CDH13: variants seen among roughly 807,000 people sequenced by gnomAD.
CDH13 encodes the protein cadherin-13.
Under a neutral mutation model 63.8 loss-of-function variants are expected in CDH13, and 24 were observed. The observed-to-expected ratio is 0.38, with a 90% CI of 0.27 to 0.53. The LOEUF is 0.53. Among genes scored for constraint, CDH13 ranks in the 20% least tolerant of loss-of-function variants. The probability of loss-of-function intolerance (pLI) is 0.85; values close to 1 mark genes in which losing one functional copy is unlikely to be tolerated. For synonymous variants in CDH13, 503 were observed against 355.3 expected, an observed-to-expected ratio of 1.42 and a Z score of -4.67; for missense variants, 1,049 against 903.1, an observed-to-expected ratio of 1.16 and a Z score of -2.07.
At chr16:82,673,862 C>G (rs74028542) in intron 1 of CDH13, among the ~76,000 whole-genome samples, 3,685 of 152,282 alleles carry the variant, frequency 0.024, 98 homozygotes, top group African/African-American at 0.075. Flanking sequence ...GCAGCAACTC[C>G]AGGTCCTCAA....
intron 1 of CDH13, among the ~76,000 whole-genome samples, chr16:82,681,843 C>T (rs148334208): frequency 6.6e-6 from 1 of 152,376 alleles, no homozygotes; most frequent in African/African-American, 2.4e-5. Context: ...AACTTCCCTG[C>T]ACTCCAGGTG....
intron 1 of CDH13, among the ~76,000 whole-genome samples, chr16:82,696,697 G>T (rs1452306434): frequency 6.6e-6 from 1 of 152,216 alleles, no homozygotes; most frequent in Non-Finnish European, 1.5e-5. Flanking sequence ...GGTGGTTTCA[G>T]TGGGATGCTA....
At position 83,123,570 on chromosome 16, in the gene CDH13, C is replaced by A. The variant is rs1324775016; in HGVS notation, c.367-1815C>A. On this transcript the variant is annotated intron_variant, in intron 3 of 13. Transcript: ENST00000567109. ...CTGGGATTACAGGCGTGAGCCACTG[C>A]ATCTGGCCCCACATTTTTTTTTATC... 3.3e-5 allele frequency among the ~76,000 whole-genome samples: 5 copies of A among 152,306 alleles called. No homozygotes were observed. In the East Asian group the frequency reaches 9.7e-4, roughly 29 times the overall value.
At chr16:83,497,598 A>G (rs1387785410) in intron 7 of CDH13, among the ~76,000 whole-genome samples, 1 of 152,110 alleles carries the variant, frequency 6.6e-6, no homozygotes, top group African/African-American at 2.4e-5. Flanking sequence ...CCAGCATGGC[A>G]CATGTATACA....
chr16:83,144,073 C>T (rs2036646008), intron 4 of CDH13, among the ~76,000 whole-genome samples: 2 of 152,088 alleles, frequency 1.3e-5, no homozygotes, highest in South Asian at 2.1e-4. Flanking sequence ...TCACATTCCA[C>T]GTTTGGGGAA....
At chr16:82,935,255 A>G (rs1487507409) in intron 2 of CDH13, among the ~76,000 whole-genome samples, 1 of 152,176 alleles carries the variant, frequency 6.6e-6, no homozygotes, top group Non-Finnish European at 1.5e-5. Context: ...TTATAAAGCC[A>G]TTAGATCCCA....
chr16:83,176,202 C>G (rs779934266), intron 4 of CDH13, among the ~76,000 whole-genome samples: 4 of 149,654 alleles, frequency 2.7e-5, no homozygotes, highest in African/African-American at 7.3e-5. Flanking sequence ...GCCAAAATGA[C>G]TTGTAAAACG....
intron 4 of CDH13, among the ~76,000 whole-genome samples, chr16:83,146,356 G>C (rs2036751704): frequency 6.6e-6 from 1 of 152,206 alleles, no homozygotes; most frequent in South Asian, 2.1e-4. Context: ...TGCCATGTAG[G>C]GGTTTGTCTG....
In CDH13 at chr16:82,981,857, A is replaced by C. The variant is rs76048434; in HGVS notation, c.158-50153A>C. Among the ~76,000 whole-genome samples, 9 of 152,256 alleles carry C rather than the reference A, an allele frequency of 5.9e-5. No homozygotes were observed. The East Asian group carries it at 1.7e-3, about 29-fold the overall frequency. On this transcript the variant is annotated intron_variant, in intron 2 of 13. Transcript: ENST00000567109. Reference sequence around the variant, plus strand: ...GCTTCCTAATGACCATTCACAGTGTATGCTTCTCAATCTCTGCAGCTTCGA... The same window carrying C: ...GCTTCCTAATGACCATTCACAGTGTCTGCTTCTCAATCTCTGCAGCTTCGA...
intron 2 of CDH13, among the ~76,000 whole-genome samples, chr16:83,031,616 C>G (rs1429303922): frequency 6.6e-6 from 1 of 151,944 alleles, no homozygotes; most frequent in Non-Finnish European, 1.5e-5. Flanking sequence ...ATACCCAGCT[C>G]AAATATTGAC....
intron 3 of CDH13, among the ~76,000 whole-genome samples, chr16:83,032,855 C>A (rs537617546): frequency 6.6e-6 from 1 of 152,212 alleles, no homozygotes; most frequent in East Asian, 1.9e-4. Flanking sequence ...AATTAAGGAG[C>A]TGTTTTCAGA....
chr16:83,273,148 C>T (rs1011536262), intron 5 of CDH13, among the ~76,000 whole-genome samples: 3 of 151,944 alleles, frequency 2.0e-5, no homozygotes, highest in African/African-American at 7.3e-5. Flanking sequence ...TTTAATCAAG[C>T]AAAATGGCTC....
intron 4 of CDH13, among the ~76,000 whole-genome samples, chr16:83,178,773 T>G (rs2038229602): frequency 6.7e-6 from 1 of 149,270 alleles, no homozygotes; most frequent in Non-Finnish European, 1.5e-5. Context: ...TGAGGCTTTG[T>G]TTTTTTTCAT....
intron 6 of CDH13, among the ~76,000 whole-genome samples, chr16:83,471,841 C>A (rs1261922526): frequency 6.6e-6 from 1 of 152,178 alleles, no homozygotes; most frequent in African/African-American, 2.4e-5. Flanking sequence ...TCTCATCGAG[C>A]ACATGGAGGA....
At chr16:83,779,376 C>T (rs1915346261) in intron 11 of CDH13, among the ~76,000 whole-genome samples, 1 of 127,396 alleles carries the variant, frequency 7.8e-6, no homozygotes, top group Non-Finnish European at 1.6e-5. Context: ...CATTGCACTC[C>T]AGCCCGGGCG....
chr16:82,858,357 C>T lies in CDH13; in HGVS notation c.46-5C>T. 2 of 1,602,484 alleles carry T rather than the reference C, an allele frequency of 1.2e-6. No homozygotes were observed. Among genetic ancestry groups the T allele is most frequent in the South Asian group, 2.2e-5 (2 of 90,730 alleles). On this transcript the variant is annotated splice_region_variant and splice_polypyrimidine_tract_variant and intron_variant, in intron 1 of 13. Transcript: ENST00000567109. ...TTAAAATATTGATGGCTTTGGTTTTCTCAGGTGCTGCTGCTAACATCTGCA... is the reference window on the plus strand; with the variant it reads ...TTAAAATATTGATGGCTTTGGTTTTTTCAGGTGCTGCTGCTAACATCTGCA...
At chr16:83,204,431 C>CA (rs2039122337) in intron 4 of CDH13, among the ~76,000 whole-genome samples, 1 of 152,210 alleles carries the variant, frequency 6.6e-6, no homozygotes, top group South Asian at 2.1e-4. Flanking sequence ...TAGCAGCTGT[C>CA]ATTGTCATCA....
chr16:83,728,094 G>A (rs56376327), intron 10 of CDH13, among the ~76,000 whole-genome samples: 4,863 of 152,272 alleles, frequency 0.032, 271 homozygotes, highest in African/African-American at 0.11. Context: ...ATACTCAGAT[G>A]TGGACAGCAG....
intron 7 of CDH13, among the ~76,000 whole-genome samples, chr16:83,593,092 G>C (rs147153410): frequency 1.3e-5 from 2 of 152,148 alleles, no homozygotes; most frequent in African/African-American, 4.8e-5. Flanking sequence ...CCAATCTTTT[G>C]CAATATTTAT....
Sources: allele counts gnomAD v4.1 joint callset (sites outside exome capture counted in the v4.1 genomes callset), GRCh38; gene constraint gnomAD v4.1.1; transcripts MANE v1.5; gene names NCBI Gene and HGNC (gene_info 2026-07-23, HGNC 2026-07-21).